Variants in CTIF observed in about 807,000 individuals in gnomAD.
The protein encoded by CTIF is cap binding complex dependent translation initiation factor, also known as CBP80/20-dependent translation initiation factor.
CTIF carries 21 observed loss-of-function variants against 66.0 expected under a neutral mutation model. The ratio of observed to expected loss-of-function variants is 0.32; its 90% CI spans 0.23 to 0.46. CTIF has a LOEUF of 0.46. Ranked by LOEUF, CTIF falls within the 20% of genes least tolerant of loss-of-function variation. The pLI is 1.00. For missense variants in CTIF, 739 were observed against 812.7 expected (o/e 0.91, Z 1.10); for synonymous variants, 345 against 326.4 (o/e 1.06, Z -0.62).
Position 48,594,509 on chromosome 18 carries a change from G to T in CTIF, c.-28-25029G>T, listed in dbSNP as rs973234781. On this transcript the variant is annotated intron_variant, in intron 1 of 11. Transcript: ENST00000256413. Reference sequence around the variant, plus strand: ...GGGGCTGAGGCCTGAGCTGTTTGTGGGGCCTGGCATTTAGGGCAGCGTAGG... The same window carrying T: ...GGGGCTGAGGCCTGAGCTGTTTGTGTGGCCTGGCATTTAGGGCAGCGTAGG... 1.3e-5 allele frequency among the ~76,000 whole-genome samples: 2 copies of T among 152,176 alleles called. 1 individual carries two copies. Among genetic ancestry groups the T allele is most frequent in the South Asian group, 4.1e-4 (2 of 4,826 alleles).
chr18:48,620,113 A>C (rs975278472), intron 2 of CTIF, among the ~76,000 whole-genome samples: 1 of 152,226 alleles, frequency 6.6e-6, no homozygotes, highest in Non-Finnish European at 1.5e-5. Context: ...TCCATAATGC[A>C]TACCATCAAA....
rs545599271 is a variant in CTIF at position 48,622,152 on chromosome 18, G to A, written c.180+2407G>A. Among the ~76,000 whole-genome samples, 8 of 152,280 alleles carry A rather than the reference G, an allele frequency of 5.3e-5. No individual in the cohort carries two copies. The South Asian group carries it at 1.7e-3, about 32-fold the overall frequency. ...GATGATGGTGAGTCACCTGGATGCT[G>A]AGCCAGGCCAGGACGGGAGTGGGTA... On this transcript the variant is annotated intron_variant, in intron 2 of 11. Transcript: ENST00000256413.
chr18:48,587,484 G>A (rs1310745617), intron 1 of CTIF, among the ~76,000 whole-genome samples: 1 of 152,178 alleles, frequency 6.6e-6, no homozygotes, highest in Non-Finnish European at 1.5e-5. Flanking sequence ...TGTTCTGCAT[G>A]GAATCTGATT....
At chr18:48,822,495 C>G (rs1315620414) in intron 10 of CTIF, among the ~76,000 whole-genome samples, 1 of 76,090 alleles carries the variant, frequency 1.3e-5, no homozygotes, top group Non-Finnish European at 2.5e-5. Context: ...ATCTCCCCAC[C>G]CCCACCCCCA....
chr18:48,661,874 T>C (rs1328141895), intron 3 of CTIF: 1 of 152,244 alleles, frequency 6.6e-6, no homozygotes, highest in Non-Finnish European at 1.5e-5. Flanking sequence ...ACACAGTTTA[T>C]TGACGCAAAA....
intron 1 of CTIF, among the ~76,000 whole-genome samples, chr18:48,597,948 G>A (rs778659581): frequency 2.6e-5 from 4 of 152,200 alleles, no homozygotes; most frequent in South Asian, 2.1e-4. Context: ...CCAGTGCAGG[G>A]GACGGATCTC....
chr18:48,630,696 G>C lies in CTIF; in HGVS notation c.181-5918G>C, dbSNP rs374311842. Among the ~76,000 whole-genome samples, 133 of 147,202 alleles carry C rather than the reference G, an allele frequency of 9.0e-4. 3 individuals carry two copies. Among genetic ancestry groups the C allele is most frequent in the African/African-American group, 3.3e-3 (129 of 39,388 alleles). On this transcript the variant is annotated intron_variant, in intron 2 of 11. Coordinates refer to ENST00000256413, the MANE Select transcript of CTIF (RefSeq NM_014772.3). ...TTTTTAATTAATTTATTTATTTTGA[G>C]TTGGAGTCTCGCTCTGTTGCCCAGG... is the stretch of plus-strand genomic sequence containing the variant.
chr18:48,831,456 A>G (rs1282144706), intron 10 of CTIF, among the ~76,000 whole-genome samples: 1 of 152,222 alleles, frequency 6.6e-6, no homozygotes, highest in African/African-American at 2.4e-5. Flanking sequence ...CACCTGCTGT[A>G]CACTGTGACA....
chr18:48,615,163 T>C (rs2090375481), intron 1 of CTIF, among the ~76,000 whole-genome samples: 1 of 152,238 alleles, frequency 6.6e-6, no homozygotes, highest in Non-Finnish European at 1.5e-5. Context: ...CCCAAAGGGC[T>C]GGGATTACAG....
At chr18:48,718,351 A>T (rs1238880532) in intron 7 of CTIF, among the ~76,000 whole-genome samples, 2 of 152,192 alleles carry the variant, frequency 1.3e-5, no homozygotes, top group Non-Finnish European at 2.9e-5. Flanking sequence ...AGAGAGAGAG[A>T]TGTATCATGG....
chr18:48,827,540 A>G (rs907103492), intron 10 of CTIF, among the ~76,000 whole-genome samples: 1 of 152,242 alleles, frequency 6.6e-6, no homozygotes, highest in African/African-American at 2.4e-5. Flanking sequence ...ACGGTCAAAC[A>G]AAAAGACTTA....
intron 10 of CTIF, among the ~76,000 whole-genome samples, chr18:48,834,063 T>C (rs1414834635): frequency 1.4e-5 from 2 of 144,736 alleles, no homozygotes; most frequent in Non-Finnish European, 3.0e-5. Flanking sequence ...GTTCTCTTCC[T>C]TTCCCTTCTC....
intron 1 of CTIF, among the ~76,000 whole-genome samples, chr18:48,585,941 A>T (rs2089758213): frequency 6.6e-6 from 1 of 152,172 alleles, no homozygotes; most frequent in African/African-American, 2.4e-5. Flanking sequence ...TTGAGTTTTA[A>T]AAAATAACTT....
intron 7 of CTIF, among the ~76,000 whole-genome samples, chr18:48,733,242 G>T (rs1366447090): frequency 6.6e-6 from 1 of 151,850 alleles, no homozygotes; most frequent in African/African-American, 2.4e-5. Flanking sequence ...GGCCGAGAGG[G>T]AAGTGGGAAA....
chr18:48,582,410 A>T (rs1173141343), intron 1 of CTIF, among the ~76,000 whole-genome samples: 1 of 152,122 alleles, frequency 6.6e-6, no homozygotes, highest in Non-Finnish European at 1.5e-5. Context: ...CTGGGGATAA[A>T]GGAGGTGCCT....
intron 3 of CTIF, among the ~76,000 whole-genome samples, chr18:48,641,921 T>G (rs2090940305): frequency 6.6e-6 from 1 of 152,210 alleles, no homozygotes; most frequent in Non-Finnish European, 1.5e-5. Flanking sequence ...GACCCTCAAA[T>G]ACACTAATTA....
intron 7 of CTIF, among the ~76,000 whole-genome samples, chr18:48,732,968 G>C (rs2092469053): frequency 6.6e-6 from 1 of 152,240 alleles, no homozygotes; most frequent in Admixed American, 6.5e-5. Context: ...GATTGGGCAT[G>C]TTCAGGGTGG....
intron 1 of CTIF, chr18:48,539,591 G>A (rs1451714356): frequency 6.5e-6 from 1 of 152,744 alleles, no homozygotes; most frequent in East Asian, 1.9e-4. Flanking sequence ...CCCGCCCCGC[G>A]GGGTGTCGTG....
At chr18:48,603,116 T>C (rs62636958) in intron 1 of CTIF, among the ~76,000 whole-genome samples, 30,661 of 144,416 alleles carry the variant, frequency 0.21, 3,161 homozygotes, top group South Asian at 0.24. Context: ...GGTGAATGGA[T>C]GGATGAATGG....
Sources: gnomAD v4.1 joint callset for allele counts (sites outside exome capture counted in the v4.1 genomes callset) on GRCh38, gnomAD v4.1.1 for gene constraint, MANE v1.5 for transcripts, NCBI Gene and HGNC (gene_info 2026-07-23, HGNC 2026-07-21) for gene names.